The following FSTL5 variants were observed in gnomAD, a reference collection of about 807,000 sequenced individuals.
The protein encoded by FSTL5 is follistatin like 5.
Under a neutral mutation model 89.1 loss-of-function variants are expected in FSTL5, and 62 were observed. That is an observed-to-expected ratio of 0.70 (90% CI 0.57 to 0.86). The LOEUF is 0.86. Ranked by LOEUF, FSTL5 falls within the 40% of genes least tolerant of loss-of-function variation. The pLI, the probability that FSTL5 is intolerant of heterozygous loss-of-function variation, is 0.00. For synonymous variants in FSTL5, 383 were observed against 346.2 expected (o/e 1.11, Z -1.18); for missense variants, 1,057 against 1,001.6 (o/e 1.06, Z -0.75).
chr4:161,431,569 C>T (rs1434276495), intron 15 of FSTL5, among the ~76,000 whole-genome samples: 1 of 151,518 alleles, frequency 6.6e-6, no homozygotes, highest in Admixed American at 6.6e-5. Context: ...GACCACAAAA[C>T]AACCAGAAAA....
At chr4:161,468,144 GGT>G (rs1733809332) in intron 13 of FSTL5, among the ~76,000 whole-genome samples, 1 of 151,884 alleles carries the variant, frequency 6.6e-6, no homozygotes, top group South Asian at 2.1e-4. Context: ...ATAATTGACA[GGT>G]ACTAATCAAC....
intron 7 of FSTL5, among the ~76,000 whole-genome samples, chr4:161,654,238 C>T (rs1435639951): frequency 6.6e-6 from 1 of 152,030 alleles, no homozygotes; most frequent in Non-Finnish European, 1.5e-5. Context: ...TCAATCATAG[C>T]ATATACTTTC....
chr4:161,753,276 C>G (rs185376640), intron 6 of FSTL5, among the ~76,000 whole-genome samples: 158 of 152,222 alleles, frequency 1.0e-3, no homozygotes, highest in Middle Eastern at 3.4e-3. Context: ...AACTCAATGT[C>G]TTTCCCTAAA....
chr4:161,520,172 A>G (rs1730975570), intron 10 of FSTL5, among the ~76,000 whole-genome samples: 1 of 152,020 alleles, frequency 6.6e-6, no homozygotes, highest in Admixed American at 6.6e-5. Context: ...CATATGTTCA[A>G]GAAAAAAATT....
chr4:161,957,417 A>G (rs1158176836), intron 3 of FSTL5, among the ~76,000 whole-genome samples: 2 of 152,070 alleles, frequency 1.3e-5, no homozygotes, highest in East Asian at 1.9e-4. Flanking sequence ...TGTTTTATTC[A>G]TTCTTTTCTT....
At chr4:161,619,958 G>A (rs931542464) in intron 7 of FSTL5, among the ~76,000 whole-genome samples, 5 of 152,052 alleles carry the variant, frequency 3.3e-5, no homozygotes, top group African/African-American at 9.7e-5. Flanking sequence ...AACAACGATA[G>A]ACTGGATTGA....
intron 4 of FSTL5, among the ~76,000 whole-genome samples, chr4:161,799,791 G>T (rs549292747): frequency 1.3e-5 from 2 of 151,780 alleles, no homozygotes; most frequent in East Asian, 3.9e-4. Context: ...AGATAAGTTC[G>T]TGAATGCTGG....
At chr4:162,114,691 T>A (rs1223694327) in intron 1 of FSTL5, among the ~76,000 whole-genome samples, 2 of 152,104 alleles carry the variant, frequency 1.3e-5, no homozygotes, top group Non-Finnish European at 2.9e-5. Flanking sequence ...CAGACTTAGA[T>A]CAACATTATC....
intron 8 of FSTL5, among the ~76,000 whole-genome samples, chr4:161,587,187 A>C (rs1387366294): frequency 5.9e-5 from 9 of 152,096 alleles, no homozygotes; most frequent in African/African-American, 1.2e-4. Context: ...TAAACGAAAA[A>C]ATAATGTAAA....
intron 8 of FSTL5, among the ~76,000 whole-genome samples, chr4:161,546,617 T>C (rs1273709830): frequency 1.3e-5 from 2 of 151,790 alleles, no homozygotes; most frequent in Admixed American, 6.6e-5. Context: ...TAACTTTAAA[T>C]AAAATGAACA....
At chr4:162,094,204 G>T (rs1322329187) in intron 2 of FSTL5, among the ~76,000 whole-genome samples, 2 of 152,024 alleles carry the variant, frequency 1.3e-5, no homozygotes, top group African/African-American at 4.8e-5. Context: ...CTGGCTAACA[G>T]GGTGAACCCC....
chr4:161,793,324 G>C (rs142786579), intron 4 of FSTL5, among the ~76,000 whole-genome samples: 17 of 152,288 alleles, frequency 1.1e-4, no homozygotes, highest in Middle Eastern at 3.4e-3. Context: ...TAGCAGGCCC[G>C]AGCAAACCAT....
At chr4:161,525,651 A>C (rs1426755522) in intron 10 of FSTL5, among the ~76,000 whole-genome samples, 2 of 152,202 alleles carry the variant, frequency 1.3e-5, no homozygotes, top group East Asian at 3.9e-4. Context: ...ATGGGAATTC[A>C]ATGCGACTCT....
intron 15 of FSTL5, among the ~76,000 whole-genome samples, chr4:161,420,079 G>A (rs964837026): frequency 6.6e-6 from 1 of 152,208 alleles, no homozygotes; most frequent in Non-Finnish European, 1.5e-5. Context: ...AACAAAGAGG[G>A]CCCCTTGGGG....
At chr4:162,096,954 G>C (rs1350607180) in intron 2 of FSTL5, among the ~76,000 whole-genome samples, 2 of 151,794 alleles carry the variant, frequency 1.3e-5, no homozygotes, top group Admixed American at 6.6e-5. Context: ...ATTATCCTTT[G>C]TTGTTTTATT....
At chr4:161,878,026 T>C (rs1258777033) in intron 4 of FSTL5, among the ~76,000 whole-genome samples, 1 of 152,028 alleles carries the variant, frequency 6.6e-6, no homozygotes, top group Non-Finnish European at 1.5e-5. Flanking sequence ...TTTACAAATG[T>C]ATTTATGTGT....
chr4:161,518,168 C>G (rs540008773), intron 10 of FSTL5, among the ~76,000 whole-genome samples: 4 of 152,152 alleles, frequency 2.6e-5, no homozygotes, highest in Non-Finnish European at 5.9e-5. Context: ...GGGTTTTAAC[C>G]TAACGTCTAA....
intron 1 of FSTL5, among the ~76,000 whole-genome samples, chr4:162,124,595 A>C (rs6826488): frequency 0.072 from 10,952 of 152,262 alleles, 865 homozygotes; most frequent in African/African-American, 0.19. Flanking sequence ...TAATCTATTG[A>C]AAAATGAGCC....
intron 4 of FSTL5, among the ~76,000 whole-genome samples, chr4:161,887,088 A>C (rs901172705): frequency 1.3e-5 from 2 of 152,150 alleles, no homozygotes; most frequent in Non-Finnish European, 2.9e-5. Context: ...CAAATTCTCA[A>C]ATCTCAAATC....
Sources: gnomAD v4.1 joint callset for allele counts (sites outside exome capture counted in the v4.1 genomes callset) on GRCh38, gnomAD v4.1.1 for gene constraint, MANE v1.5 for transcripts, NCBI Gene and HGNC (gene_info 2026-07-23, HGNC 2026-07-21) for gene names.